The following MCM9 variants were observed in gnomAD, a reference collection of about 807,000 sequenced individuals.
MCM9 encodes minichromosome maintenance 9 homologous recombination repair factor, also known as DNA helicase MCM9.
Under a neutral mutation model 72.8 loss-of-function variants are expected in MCM9, and 55 were observed. That is an observed-to-expected ratio of 0.76 (90% confidence interval 0.61 to 0.95). MCM9 has a LOEUF of 0.95. Ranked by LOEUF, MCM9 falls within the 40% of genes least tolerant of loss-of-function variation. The pLI is 0.00. For synonymous variants in MCM9, 480 were observed against 503.4 expected (o/e 0.95, Z 0.62); for missense variants, 1,279 against 1,377.0 (o/e 0.93, Z 1.13).
chr6:118,894,099 G>A (rs1779168240), intron 8 of MCM9: 1 of 1,142,486 alleles, frequency 8.8e-7, no homozygotes, highest in Non-Finnish European at 1.1e-6. Context: ...TCCATTCCGG[G>A]AGCGGGAGCC....
intron 3 of MCM9, among the ~76,000 whole-genome samples, chr6:118,925,986 T>C (rs1325795231): frequency 1.3e-5 from 2 of 152,210 alleles, no homozygotes; most frequent in Non-Finnish European, 2.9e-5. Context: ...GACAATTCAG[T>C]GGTAATTAGT....
chr6:118,883,591 A>G (rs1778429303), intron 8 of MCM9, among the ~76,000 whole-genome samples: 1 of 152,150 alleles, frequency 6.6e-6, no homozygotes, highest in Admixed American at 6.5e-5. Context: ...TCAATAAGAG[A>G]ACAACTCTTC....
At chr6:118,928,367 C>T (rs1782078169) in intron 3 of MCM9, among the ~76,000 whole-genome samples, 1 of 151,984 alleles carries the variant, frequency 6.6e-6, no homozygotes, top group Non-Finnish European at 1.5e-5. Flanking sequence ...ACCGAGATTG[C>T]ACCTGTGCAC....
chr6:118,855,762 T>C (rs1776515245), intron 9 of MCM9, among the ~76,000 whole-genome samples: 1 of 152,182 alleles, frequency 6.6e-6, no homozygotes, highest in Non-Finnish European at 1.5e-5. Flanking sequence ...CCAGCCTTTG[T>C]AGCCAGGTAA....
intron 8 of MCM9, among the ~76,000 whole-genome samples, chr6:118,906,128 A>G (rs1780162442): frequency 6.6e-6 from 1 of 152,196 alleles, no homozygotes; most frequent in Admixed American, 6.5e-5. Context: ...GCTGGAGCGC[A>G]GTGGCATGAT....
chr6:118,857,893 C>G (rs36173723), intron 8 of MCM9, among the ~76,000 whole-genome samples: 110,403 of 151,538 alleles, frequency 0.73, 41,229 homozygotes, highest in South Asian at 0.83. Context: ...AATCTGCAGG[C>G]TGAGATGGCT....
intron 8 of MCM9, among the ~76,000 whole-genome samples, chr6:118,856,864 G>C (rs888516457): frequency 6.6e-6 from 1 of 152,120 alleles, no homozygotes; most frequent in African/African-American, 2.4e-5. Flanking sequence ...CTGGGTGACA[G>C]AGCAAGATCT....
chr6:118,862,981 G>T (rs1396052676), intron 8 of MCM9, among the ~76,000 whole-genome samples: 1 of 152,166 alleles, frequency 6.6e-6, no homozygotes, highest in African/African-American at 2.4e-5. Flanking sequence ...TGCAAGGAAT[G>T]TTAAAAGAAG....
At chr6:118,830,675 A>G (rs1774479847) in intron 9 of MCM9, among the ~76,000 whole-genome samples, 3 of 152,240 alleles carry the variant, frequency 2.0e-5, no homozygotes, top group Admixed American at 1.3e-4. Flanking sequence ...AACACTGGCA[A>G]TGAAACAAAA....
At chr6:118,892,279 T>C (rs1778999246) in intron 8 of MCM9, among the ~76,000 whole-genome samples, 1 of 152,240 alleles carries the variant, frequency 6.6e-6, no homozygotes, top group South Asian at 2.1e-4. Context: ...TCTTCTTAAA[T>C]ACTGTTGCAT....
chr6:118,854,214 TTC>T (rs1466726421), intron 9 of MCM9, among the ~76,000 whole-genome samples: 2 of 152,232 alleles, frequency 1.3e-5, no homozygotes, highest in Non-Finnish European at 2.9e-5. Flanking sequence ...TGTCTTTTAT[TTC>T]TTTTTCTTAC....
chr6:118,828,017 G>A lies in MCM9; in HGVS notation c.1642C>T (p.Arg548Trp), dbSNP rs369609281. 10 of 1,550,920 alleles carry A rather than the reference G, an allele frequency of 6.4e-6. No individual in the cohort carries two copies. Among genetic ancestry groups the A allele is most frequent in the East Asian group, 4.9e-5 (2 of 40,922 alleles). The change falls in exon 11 of 14, where the codon CGG becomes TGG. Residue 548 changes from arginine to tryptophan, a missense_variant. Transcript: ENST00000619706. ...CTCTGCCTTTGCATCTGGTAGTACC[G>A]GAGAAGAACCTGATTGCCCACATCA... ...LSDVGNQVLL[R>W]YYQMQRQSDC...
Position 118,924,057 on chromosome 6 carries a change from A to G in MCM9, c.375T>C (p.Ser125=), listed in dbSNP as rs375494814. 4 of 1,614,108 alleles carry G rather than the reference A, an allele frequency of 2.5e-6. No individual in the cohort carries two copies. The highest frequency in any genetic ancestry group is 3.4e-6 in the Non-Finnish European group (4 of 1,180,034). ...PKTKDVGHFL[S]VTGTVIRTSL... is the part of the protein sequence containing the mutation. Reference sequence around the variant, plus strand: ...TTGTTCGAATCACTGTCCCAGTGACAGATAAAAAGTGTCCCACATCCTTGG... The same window carrying G: ...TTGTTCGAATCACTGTCCCAGTGACGGATAAAAAGTGTCCCACATCCTTGG... The change falls in exon 4 of 14, where the codon TCT becomes TCC. Residue 125 remains serine (S), a synonymous_variant. Coordinates refer to ENST00000619706, the MANE Select transcript of MCM9 (RefSeq NM_017696.3).
At chr6:118,918,800 A>C (rs185775534) in intron 5 of MCM9, 1 of 152,340 alleles carries the variant, frequency 6.6e-6, no homozygotes, top group East Asian at 1.9e-4. Context: ...ATATGTGCTG[A>C]TGAAAAATGC....
At chr6:118,905,352 T>C (rs1490463681) in intron 8 of MCM9, among the ~76,000 whole-genome samples, 2 of 83,180 alleles carry the variant, frequency 2.4e-5, no homozygotes, top group Non-Finnish European at 4.6e-5. Context: ...GGTTTTATAA[T>C]GAATAGTGTA....
intron 4 of MCM9, 32 bp downstream of exon 4, chr6:118,923,779 A>G: frequency 6.3e-7 from 1 of 1,592,050 alleles, no homozygotes; most frequent in Non-Finnish European, 8.6e-7. Flanking sequence ...CACTTCTTCA[A>G]ATTTATTTAT....
intron 8 of MCM9, among the ~76,000 whole-genome samples, chr6:118,865,308 C>T (rs769225886): frequency 2.6e-5 from 4 of 152,152 alleles, no homozygotes; most frequent in Non-Finnish European, 5.9e-5. Flanking sequence ...GCTATTTCTC[C>T]TCAAATGGGG....
In MCM9 at chr6:118,815,480, T is replaced by C; in HGVS notation, c.2776A>G (p.Lys926Glu). 6.5e-7 allele frequency: 1 copy of C among 1,547,970 alleles called. No individual in the cohort carries two copies. Among genetic ancestry groups the C allele is most frequent in the Non-Finnish European group, 8.7e-7 (1 of 1,146,166 alleles). The stretch of plus-strand genomic sequence containing the variant: ...GAGTGGATCAGTTTTGACTTCTGCT[T>C]GAAAGTAAATTTTGCCAGTTTGGCC... ...PVAKLAKFTF[K>E]QKSKLIHSFE... The change falls in exon 14 of 14, where the codon AAG becomes GAG. Residue 926 changes from lysine to glutamate, a missense_variant. Physicochemically the swap from Lys to Glu is moderately conservative, Grantham distance 56. Transcript: ENST00000619706.
chr6:118,839,323 T>G (rs1775192980), intron 9 of MCM9, among the ~76,000 whole-genome samples: 2 of 152,036 alleles, frequency 1.3e-5, no homozygotes, highest in Admixed American at 1.3e-4. Flanking sequence ...TAGCAATACC[T>G]CTAACCTTTT....
Sources: allele counts gnomAD v4.1 joint callset (sites outside exome capture counted in the v4.1 genomes callset), GRCh38; gene constraint gnomAD v4.1.1; transcripts MANE v1.5; gene names NCBI Gene and HGNC (gene_info 2026-07-23, HGNC 2026-07-21).